The following FARS2 variants were observed in gnomAD, a reference collection of about 807,000 sequenced individuals.
FARS2 encodes phenylalanine--tRNA ligase, mitochondrial.
A neutral mutation model predicts 46.4 loss-of-function variants in FARS2; 40 were observed. That is an observed-to-expected ratio of 0.86 (90% confidence interval 0.67 to 1.12). The LOEUF is 1.12. Among genes scored for constraint, FARS2 ranks in the 50% most tolerant of loss-of-function variants. The pLI is 0.00. For synonymous variants in FARS2, 234 were observed against 214.9 expected (o/e 1.09, Z -0.78); for missense variants, 513 against 567.9 (o/e 0.90, Z 0.98).
At chr6:5,503,469 T>G (rs1284824519) in intron 4 of FARS2, among the ~76,000 whole-genome samples, 2 of 151,482 alleles carry the variant, frequency 1.3e-5, no homozygotes, top group Non-Finnish European at 2.9e-5. Context: ...TTAATTTGCC[T>G]GGCTGTAGTA....
intron 6 of FARS2, among the ~76,000 whole-genome samples, chr6:5,725,638 T>TAAA (rs1760200272): frequency 6.6e-6 from 1 of 152,152 alleles, no homozygotes; most frequent in South Asian, 2.1e-4. Context: ...AAAAGTGCTT[T>TAAA]AAAAAGGTTA....
At chr6:5,600,967 A>T (rs1001136097) in intron 5 of FARS2, among the ~76,000 whole-genome samples, 48 of 152,248 alleles carry the variant, frequency 3.2e-4, no homozygotes, top group African/African-American at 1.2e-3. Context: ...ATGAGGGTAG[A>T]TCTCTCAGGA....
chr6:5,435,211 A>T (rs1763451076), intron 4 of FARS2, among the ~76,000 whole-genome samples: 1 of 152,260 alleles, frequency 6.6e-6, no homozygotes, highest in African/African-American at 2.4e-5. Flanking sequence ...CAAATAAATC[A>T]TTCTGCCTAA....
intron 5 of FARS2, among the ~76,000 whole-genome samples, chr6:5,603,508 G>A (rs756299497): frequency 2.0e-5 from 3 of 152,208 alleles, no homozygotes; most frequent in Non-Finnish European, 2.9e-5. Flanking sequence ...CTCAGTTCTG[G>A]AGGCTGGAAG....
At chr6:5,433,868 G>C (rs1012021255) in intron 4 of FARS2, among the ~76,000 whole-genome samples, 2 of 152,112 alleles carry the variant, frequency 1.3e-5, no homozygotes, top group African/African-American at 4.8e-5. Context: ...ATCCTTGATG[G>C]GTTTTTATGA....
intron 3 of FARS2, among the ~76,000 whole-genome samples, chr6:5,422,031 A>G (rs1762578118): frequency 6.6e-6 from 1 of 152,216 alleles, no homozygotes; most frequent in Non-Finnish European, 1.5e-5. Flanking sequence ...AACATACCTG[A>G]GACTGGGAGG....
At chr6:5,441,719 C>T (rs1386197620) in intron 4 of FARS2, among the ~76,000 whole-genome samples, 1 of 152,162 alleles carries the variant, frequency 6.6e-6, no homozygotes, top group Non-Finnish European at 1.5e-5. Flanking sequence ...CATTCTTGCA[C>T]CTCTGAATGT....
chr6:5,496,370 G>A (rs912865155), intron 4 of FARS2, among the ~76,000 whole-genome samples: 1 of 152,160 alleles, frequency 6.6e-6, no homozygotes, highest in Non-Finnish European at 1.5e-5. Flanking sequence ...TTTTGTCATC[G>A]AGAGGGAGGA....
At chr6:5,417,184 G>T (rs1762287737) in intron 3 of FARS2, among the ~76,000 whole-genome samples, 1 of 151,934 alleles carries the variant, frequency 6.6e-6, no homozygotes. Flanking sequence ...ATTTTCACTG[G>T]GAAAAGAATT....
chr6:5,392,060 A>G (rs534124874), intron 2 of FARS2, among the ~76,000 whole-genome samples: 2 of 152,334 alleles, frequency 1.3e-5, no homozygotes, highest in African/African-American at 4.8e-5. Flanking sequence ...TTTAATTTCA[A>G]TACTGTGGTA....
intron 6 of FARS2, among the ~76,000 whole-genome samples, chr6:5,733,357 A>G (rs1394138738): frequency 7.2e-5 from 11 of 152,218 alleles, no homozygotes; most frequent in Admixed American, 5.2e-4. Flanking sequence ...TGTCAGTTAC[A>G]CATGGAGTGT....
intron 1 of FARS2, among the ~76,000 whole-genome samples, chr6:5,346,764 A>G (rs1441361016): frequency 6.6e-6 from 1 of 150,738 alleles, no homozygotes; most frequent in South Asian, 2.1e-4. Flanking sequence ...TTTTTTTTTG[A>G]TAGGTTTCAA....
At chr6:5,507,083 T>G (rs1445379966) in intron 4 of FARS2, among the ~76,000 whole-genome samples, 1 of 152,244 alleles carries the variant, frequency 6.6e-6, no homozygotes, top group Non-Finnish European at 1.5e-5. Context: ...CCTAACCTCT[T>G]TAACCCCTTT....
At chr6:5,363,443 C>G (rs1215284957) in intron 1 of FARS2, among the ~76,000 whole-genome samples, 1 of 152,068 alleles carries the variant, frequency 6.6e-6, no homozygotes, top group East Asian at 1.9e-4. Context: ...CAATTTCCTT[C>G]CATTCTTTTC....
intron 5 of FARS2, among the ~76,000 whole-genome samples, chr6:5,607,285 ATGTGTGTGTGTGTGTGTGTGTGTGTG>A (rs200898031): frequency 6.7e-5 from 5 of 74,986 alleles, no homozygotes; most frequent in South Asian, 5.9e-4. Context: ...AATAATATGT[ATGTGTGTGTGTGTGTGTGTGTGTGTG>A]TGTGTGTGTG....
intron 6 of FARS2, among the ~76,000 whole-genome samples, chr6:5,665,638 G>A (rs1202863289): frequency 6.6e-6 from 1 of 152,188 alleles, no homozygotes; most frequent in Admixed American, 6.5e-5. Context: ...GCATGTTAGT[G>A]ATCTGGGATA....
chr6:5,407,928 C>T (rs1480370966), intron 3 of FARS2, among the ~76,000 whole-genome samples: 1 of 152,102 alleles, frequency 6.6e-6, no homozygotes, highest in Non-Finnish European at 1.5e-5. Flanking sequence ...AGAAGGGATT[C>T]TAGTATTTTA....
intron 5 of FARS2, among the ~76,000 whole-genome samples, chr6:5,546,485 T>A (rs142071446): frequency 1.3e-5 from 2 of 151,138 alleles, no homozygotes; most frequent in Non-Finnish European, 3.0e-5. Flanking sequence ...CTCCTGACCT[T>A]GTGATTCGCC....
At chr6:5,711,291 G>GATGAATGAATGA (rs34840036) in intron 6 of FARS2, among the ~76,000 whole-genome samples, 134 of 151,384 alleles carry the variant, frequency 8.9e-4, no homozygotes, top group African/African-American at 2.8e-3. Flanking sequence ...ATGCGGGATG[G>GATGAATGAATGA]ATGAATGAAT....
Sources: allele counts gnomAD v4.1 joint callset (sites outside exome capture counted in the v4.1 genomes callset), GRCh38; gene constraint gnomAD v4.1.1; transcripts MANE v1.5; gene names NCBI Gene and HGNC (gene_info 2026-07-23, HGNC 2026-07-21).